The following GRB7 variants were observed in gnomAD, a reference collection of about 807,000 sequenced individuals.
The protein encoded by GRB7 is growth factor receptor-bound protein 7.
GRB7 carries 47 observed loss-of-function variants against 64.1 expected under a neutral mutation model. That is an observed-to-expected ratio of 0.73 (90% CI 0.58 to 0.94). GRB7 has a LOEUF of 0.94. GRB7 is among the 40% of genes least tolerant of loss of function. GRB7 has a pLI of 0.00. For synonymous variants in GRB7, 277 were observed against 279.9 expected (o/e 0.99, Z 0.10); for missense variants, 634 against 718.4 (o/e 0.88, Z 1.34).
Position 39,746,007 on chromosome 17 carries a change from G to A in GRB7, c.1358+7G>A. On this transcript the variant is annotated splice_region_variant and intron_variant, in intron 13 of 14. Transcript: ENST00000309156. ...AGCAGGGCTTGGTAGACGGGTAAGG[G>A]GCAGGGCCGGGCAACAGACCCAGGG... 6.2e-7 allele frequency: 1 copy of A among 1,613,986 alleles called. No individual in the cohort carries two copies.
At position 39,745,334 on chromosome 17, in the gene GRB7, C is replaced by T; in HGVS notation, c.1092+11C>T. ...GGCTCCCCACCCTTGGTGAGTGTGC[C>T]CAAGGGGATGGGAGGGTGGGTATGC... On this transcript the variant is annotated intron_variant, in intron 10 of 14. Transcript: ENST00000309156. 1.2e-6 allele frequency: 2 copies of T among 1,610,052 alleles called. No individual in the cohort carries two copies. The highest frequency in any genetic ancestry group is 1.7e-6 in the Non-Finnish European group (2 of 1,177,450).
In GRB7 at chr17:39,745,303, T is replaced by C. The variant is rs1197442476; in HGVS notation, c.1072T>C (p.Cys358Arg). Residue 358 changes from cysteine to arginine, a missense_variant, in exon 10 of 15, where the codon TGT (cysteine) becomes CGT (arginine). Physicochemically the swap from Cys to Arg is radical, Grantham distance 180 (BLOSUM62 -3). Around this residue, in one of 2 missense-constraint regions of GRB7, gnomAD observed 467 missense variants for 576.6 expected, o/e 0.81. Transcript: ENST00000309156. ...QAQSRHLHPS[C>R]LGSPPLRSAS... ...ACAGTCTCGCCATCTGCATCCATCT[T>C]GTTTGGGCTCCCCACCCTTGGTGAG... 1 of 1,612,342 alleles carries C rather than the reference T, an allele frequency of 6.2e-7. No individual in the cohort carries two copies. The highest frequency in any genetic ancestry group is 8.5e-7 in the Non-Finnish European group (1 of 1,179,066).
chr17:39,739,691 T>C (rs560751524), intron 1 of GRB7, among the ~76,000 whole-genome samples: 1 of 152,134 alleles, frequency 6.6e-6, no homozygotes, highest in East Asian at 1.9e-4. Flanking sequence ...AACAAGGAGG[T>C]TGGGAGGACG....
chr17:39,738,469 TC>T (rs998964451), intron 1 of GRB7: 1 of 155,560 alleles, frequency 6.4e-6, no homozygotes, highest in African/African-American at 2.4e-5. Flanking sequence ...AGGCTGGGTC[TC>T]CTGATGGGTT....
At chr17:39,739,822 G>T in intron 1 of GRB7, 1 of 181,902 alleles carries the variant, frequency 5.5e-6, no homozygotes. Context: ...AAGCTTTACC[G>T]GGGCCTCAGT....
In GRB7 at chr17:39,742,468, C is replaced by A. The variant is rs142103217; in HGVS notation, c.155+12C>A. ...CCAACCACCGGCAGGTACGATGGGGCGTGGGGCTTGGGGGAGGTCAGTGCT... is the reference window on the plus strand; with the variant it reads ...CCAACCACCGGCAGGTACGATGGGGAGTGGGGCTTGGGGGAGGTCAGTGCT... On this transcript the variant is annotated intron_variant, in intron 2 of 14. Transcript: ENST00000309156. 33 of 1,613,194 alleles carry A rather than the reference C, an allele frequency of 2.0e-5. No homozygotes were observed. Among genetic ancestry groups the A allele is most frequent in the Non-Finnish European group, 2.8e-5 (33 of 1,179,404 alleles).
chr17:39,747,195 C>T lies in GRB7; in HGVS notation c.*298C>T, dbSNP rs758450739. On this transcript the variant is annotated 3_prime_UTR_variant, in exon 15 of 15. Coordinates refer to ENST00000309156, the MANE Select transcript of GRB7 (RefSeq NM_005310.5). ...ATGGGAGAAGTGGGGGCAGCCCAGG[C>T]GGTTTCACGCCCCACACTTTGTACA... 2.5e-5 allele frequency: 11 copies of T among 446,270 alleles called. No homozygotes were observed. Among genetic ancestry groups the T allele is most frequent in the Non-Finnish European group, 4.0e-5 (10 of 250,288 alleles). The allele number at this position is 446,270 out of a possible 1,614,324, so 27.6% of individuals were successfully genotyped here. A position where few individuals can be genotyped will look rare whatever the true frequency, so the allele number is the denominator to read the frequency against.
chr17:39,744,302 C>G, intron 7 of GRB7, 95 bp downstream of exon 7: 6 of 1,473,388 alleles, frequency 4.1e-6, no homozygotes, highest in Non-Finnish European at 5.6e-6. Context: ...CCTTCTCCCC[C>G]TGGGCCCCCC....
intron 3 of GRB7, 28 bp downstream of exon 3, chr17:39,742,744 G>A (rs2143407174): frequency 6.5e-7 from 1 of 1,536,112 alleles, no homozygotes; most frequent in Non-Finnish European, 8.8e-7. Context: ...AGGGAAGGGA[G>A]GGATGCACGG....
Position 39,746,013 on chromosome 17 carries a change from G to T in GRB7, c.1358+13G>T. On this transcript the variant is annotated intron_variant, in intron 13 of 14. Transcript: ENST00000309156. ...GCTTGGTAGACGGGTAAGGGGCAGG[G>T]CCGGGCAACAGACCCAGGGATAAGA... is the stretch of plus-strand genomic sequence containing the variant. 1 of 1,613,950 alleles carries T rather than the reference G, an allele frequency of 6.2e-7. No individual in the cohort carries two copies. Among genetic ancestry groups the T allele is most frequent in the African/African-American group, 1.3e-5 (1 of 75,046 alleles).
At position 39,744,597 on chromosome 17, in the gene GRB7, C is replaced by G; in HGVS notation, c.846C>G (p.Asn282Lys). 2 of 1,612,186 alleles carry G rather than the reference C, an allele frequency of 1.2e-6. No individual in the cohort carries two copies. The highest frequency in any genetic ancestry group is 1.7e-6 in the Non-Finnish European group (2 of 1,179,136). Residue 282 changes from asparagine to lysine, a missense_variant, in exon 8 of 15, where the codon AAC becomes AAG. Physicochemically the swap from Asn to Lys is moderately conservative, Grantham distance 94 (BLOSUM62 0). Coordinates refer to ENST00000309156, the MANE Select transcript of GRB7 (RefSeq NM_005310.5). ...LQYVADVNESNVYVVTQGRKL... is the reference protein window; with the variant it reads ...LQYVADVNESKVYVVTQGRKL... ...ACGTGGCAGATGTGAACGAGTCCAACGTGTACGTGGTGACGCAGGGCCGCA... is the reference window on the plus strand; with the variant it reads ...ACGTGGCAGATGTGAACGAGTCCAAGGTGTACGTGGTGACGCAGGGCCGCA...
At chr17:39,743,542 TCCTGTGCCTCC>T (rs2060016081) in intron 6 of GRB7, 72 bp downstream of exon 6, 1 of 1,166,432 alleles carries the variant, frequency 8.6e-7, no homozygotes, top group Admixed American at 1.7e-5. Context: ...CACCCTTAAG[TCCTGTGCCTCC>T]CCTCTATGTT....
rs67306131 is a variant in GRB7 at position 39,745,549 on chromosome 17, CTGTG to C, written c.1209+23_1209+26del. 10 of 1,574,782 alleles carry C rather than the reference CTGTG, an allele frequency of 6.4e-6. No individual in the cohort carries two copies. Among genetic ancestry groups the C allele is most frequent in the Non-Finnish European group, 7.8e-6 (9 of 1,149,340 alleles). ...GCCCAGGCCTGGAGGGTGAGGCCTGCTGTGTGTGTGTGTGTTTGTGCTGGGGACC... is the reference window on the plus strand; with the variant it reads ...GCCCAGGCCTGGAGGGTGAGGCCTGCTGTGTGTGTGTTTGTGCTGGGGACC... On this transcript the variant is annotated intron_variant, in intron 11 of 14. Transcript: ENST00000309156.
chr17:39,738,879 C>G, intron 1 of GRB7: 1 of 1,534,916 alleles, frequency 6.5e-7, no homozygotes, highest in Non-Finnish European at 8.7e-7. Context: ...GTATGCCCTT[C>G]TCAGCAACAC....
Position 39,744,167 on chromosome 17 carries a change from G to A in GRB7, c.761G>A (p.Arg254His), listed in dbSNP as rs775891720. 6.2e-6 allele frequency: 10 copies of A among 1,613,982 alleles called. No homozygotes were observed. The highest frequency in any genetic ancestry group is 4.0e-5 in the African/African-American group (3 of 74,970). ...KLWKRFFCFL[R>H]RSGLYYSTKG... ...TGGAAACGCTTTTTCTGCTTCTTGC[G>A]CCGATCTGGCCTCTATTACTCCACC... Residue 254 changes from arginine (R) to histidine (H), a missense_variant, in exon 7 of 15, where the codon CGC becomes CAC. Transcript: ENST00000309156.
At position 39,745,516 on chromosome 17, in the gene GRB7, T is replaced by C; in HGVS notation, c.1187T>C (p.Leu396Pro). ...CCCCGGGAGGCTCTGAGTGTGGCCC[T>C]GGAGGAGGCCCAGGCCTGGAGGGTG... ...ENPREALSVA[L>P]EEAQAWRKKT... Residue 396 changes from leucine (L) to proline (P), a missense_variant, in exon 11 of 15, where the codon CTG (leucine) becomes CCG (proline). Coordinates refer to ENST00000309156, the MANE Select transcript of GRB7 (RefSeq NM_005310.5). 1 of 1,613,666 alleles carries C rather than the reference T, an allele frequency of 6.2e-7. No homozygotes were observed. Among genetic ancestry groups the C allele is most frequent in the Non-Finnish European group, 8.5e-7 (1 of 1,179,862 alleles).
In GRB7 at chr17:39,743,845, A is replaced by G. The variant is rs1057130213; in HGVS notation, c.664-225A>G. Reference sequence around the variant, plus strand: ...AAAAAAAAAAAAAAAAAAAAAAAAAAGGCCAGGAATGGTGGCATGAGCCTG... The same window carrying G: ...AAAAAAAAAAAAAAAAAAAAAAAAAGGGCCAGGAATGGTGGCATGAGCCTG... On this transcript the variant is annotated intron_variant, in intron 6 of 14. Transcript: ENST00000309156. Among the ~76,000 whole-genome samples, 843 of 119,346 alleles carry G rather than the reference A, an allele frequency of 7.1e-3. 10 individuals carry two copies. Among genetic ancestry groups the G allele is most frequent in the Non-Finnish European group, 0.011 (619 of 56,220 alleles). 78.3% of individuals were successfully genotyped at this position (119,346 alleles called of 152,430 possible).
chr17:39,744,632 G>T lies in GRB7; in HGVS notation c.881G>T (p.Gly294Val). ...GTGACGCAGGGCCGCAAGCTCTACG[G>T]GATGCCCACTGACTTCGGTTTCTGT... ...YVVTQGRKLY[G>V]MPTDFGFCVK... is the part of the protein sequence containing the mutation. The change falls in exon 8 of 15, where the codon GGG becomes GTG. Residue 294 changes from glycine to valine, a missense_variant. Physicochemically the swap from Gly to Val is moderately radical, Grantham distance 109. Coordinates refer to ENST00000309156, the MANE Select transcript of GRB7 (RefSeq NM_005310.5). 6.2e-7 allele frequency: 1 copy of T among 1,610,188 alleles called. No homozygotes were observed. Among genetic ancestry groups the T allele is most frequent in the East Asian group, 2.2e-5 (1 of 44,588 alleles).
Position 39,742,578 on chromosome 17 carries a change from G to A in GRB7, c.168G>A (p.Glu56=). The A allele has an allele frequency of 6.2e-7, 1 of 1,613,906 alleles. No homozygotes were observed. The highest frequency in any genetic ancestry group is 8.5e-7 in the Non-Finnish European group (1 of 1,179,990). ...LIPTTGRKLR[E]EERRATSLPS... Reference sequence around the variant, plus strand: ...CTTCTTGCCACAGGAAACTTCGAGAGGAGGAGAGGCGTGCCACCTCCCTCC... The same window carrying A: ...CTTCTTGCCACAGGAAACTTCGAGAAGAGGAGAGGCGTGCCACCTCCCTCC... Residue 56 remains glutamate (E), a synonymous_variant, in exon 3 of 15, where the codon GAG becomes GAA. Coordinates refer to ENST00000309156, the MANE Select transcript of GRB7 (RefSeq NM_005310.5).
Sources: allele counts gnomAD v4.1 joint callset (sites outside exome capture counted in the v4.1 genomes callset), GRCh38; gene constraint gnomAD v4.1.1; regional missense constraint gnomAD v4.1.1; transcripts MANE v1.5; gene names NCBI Gene and HGNC (gene_info 2026-07-23, HGNC 2026-07-21).